LRRC8C: variants seen among roughly 807,000 people sequenced by gnomAD.
The protein encoded by LRRC8C is leucine rich repeat containing 8 VRAC subunit C.
Under a neutral mutation model 55.3 loss-of-function variants are expected in LRRC8C, and 20 were observed. The observed-to-expected ratio is 0.36, with a 90% CI of 0.25 to 0.53. The LOEUF is 0.53. LRRC8C is among the 20% of genes least tolerant of loss of function. The pLI, the probability that LRRC8C is intolerant of heterozygous loss-of-function variation, is 0.92. For synonymous variants in LRRC8C, 376 were observed against 360.7 expected (o/e 1.04, Z -0.48); for missense variants, 659 against 951.4 (o/e 0.69, Z 4.04).
At chr1:89,690,540 G>A (rs1294507641) in intron 2 of LRRC8C, among the ~76,000 whole-genome samples, 1 of 151,392 alleles carries the variant, frequency 6.6e-6, no homozygotes, top group Non-Finnish European at 1.5e-5. Context: ...CACATTCCAT[G>A]GCAGGATGAA....
intron 2 of LRRC8C, among the ~76,000 whole-genome samples, chr1:89,709,761 T>G (rs1353348048): frequency 4.2e-4 from 64 of 151,086 alleles, no homozygotes; most frequent in South Asian, 1.5e-3. Context: ...GTTTGTTTTT[T>G]TTTTGTTTGA....
At chr1:89,674,815 C>A (rs535105306) in intron 1 of LRRC8C, among the ~76,000 whole-genome samples, 1 of 152,254 alleles carries the variant, frequency 6.6e-6, no homozygotes, top group East Asian at 1.9e-4. Flanking sequence ...AAGGTAGATT[C>A]CTGTAAAGAT....
intron 2 of LRRC8C, among the ~76,000 whole-genome samples, chr1:89,701,862 T>A (rs1658337306): frequency 1.3e-5 from 2 of 152,202 alleles, no homozygotes. Context: ...TGAATGGGTC[T>A]GAATCAATTG....
At chr1:89,640,792 A>C (rs1656434006) in intron 1 of LRRC8C, among the ~76,000 whole-genome samples, 1 of 152,232 alleles carries the variant, frequency 6.6e-6, no homozygotes, top group Admixed American at 6.5e-5. Flanking sequence ...TGGATGGCAT[A>C]ATAGAAAACA....
Position 89,713,401 on chromosome 1 carries a change from T to A in LRRC8C, c.831T>A (p.Ile277=). Residue 277 remains isoleucine (I), a synonymous_variant, in exon 3 of 3, where the codon ATT becomes ATA. Coordinates refer to ENST00000370454, the MANE Select transcript of LRRC8C (RefSeq NM_032270.5). This position sits in a 1 kb window ranked among gnomAD's most constrained non-coding sequence, Gnocchi z 5.2. ...AAGTTATCAAATTCCTAATCATCATTGCATATAATAGTGCTCTGGTTTCCA... is the reference window on the plus strand; with the variant it reads ...AAGTTATCAAATTCCTAATCATCATAGCATATAATAGTGCTCTGGTTTCCA... ...VLKVIKFLII[I]AYNSALVSKV... is the part of the protein sequence containing the mutation. 1.2e-6 allele frequency: 2 copies of A among 1,614,224 alleles called. No individual in the cohort carries two copies. The highest frequency in any genetic ancestry group is 1.7e-6 in the Non-Finnish European group (2 of 1,180,028).
At chr1:89,684,843 A>G (rs1005687862) in intron 1 of LRRC8C, among the ~76,000 whole-genome samples, 2 of 152,222 alleles carry the variant, frequency 1.3e-5, no homozygotes, top group East Asian at 3.8e-4. Flanking sequence ...AACAGAAAAA[A>G]GTTAAGAAAA....
At chr1:89,628,860 C>T (rs1162780404), upstream of LRRC8C, among the ~76,000 whole-genome samples, 1 of 152,110 alleles carries the variant, frequency 6.6e-6, no homozygotes, top group Non-Finnish European at 1.5e-5. Context: ...TTTATATGAC[C>T]CACCTCAGGG....
At chr1:89,697,052 A>T (rs762039616) in intron 2 of LRRC8C, among the ~76,000 whole-genome samples, 1 of 152,214 alleles carries the variant, frequency 6.6e-6, no homozygotes, top group Non-Finnish European at 1.5e-5. Context: ...TAAATGACTA[A>T]CAAGTGCCAT....
At chr1:89,658,223 C>T (rs187644540) in intron 1 of LRRC8C, among the ~76,000 whole-genome samples, 14 of 152,042 alleles carry the variant, frequency 9.2e-5, no homozygotes, top group Admixed American at 2.0e-4. Context: ...TATTTCTGCC[C>T]GACCTCTTCC....
At chr1:89,683,761 A>G (rs1557660199) in intron 1 of LRRC8C, among the ~76,000 whole-genome samples, 2 of 152,230 alleles carry the variant, frequency 1.3e-5, no homozygotes, top group African/African-American at 2.4e-5. Context: ...AAAAATAAAT[A>G]TCTACAATGA....
Position 89,713,973 on chromosome 1 carries a change from A to G in LRRC8C, c.1403A>G (p.Asn468Ser), listed in dbSNP as rs12032393. 0.15 allele frequency: 236,559 copies of G among 1,613,052 alleles called. 18,839 individuals carry two copies. Among genetic ancestry groups the G allele is most frequent in the East Asian group, 0.27 (12,303 of 44,864 alleles). ...CCAGCCACCATTGCACAGCTAGACA[A>G]TCTTCAAGAGCTCTCTCTGCACCAG... The part of the protein sequence containing the change: ...MIPATIAQLD[N>S]LQELSLHQCS... The change falls in exon 3 of 3, where the codon AAT becomes AGT. Residue 468 changes from asparagine (N) to serine (S), a missense_variant. Physicochemically the swap from Asn to Ser is conservative, Grantham distance 46. This residue lies in a region of LRRC8C where 344 missense variants were observed against 464.6 expected (regional missense o/e 0.74). Transcript: ENST00000370454. This position sits in a 1 kb window ranked among gnomAD's most constrained non-coding sequence, Gnocchi z 5.2.
intron 2 of LRRC8C, among the ~76,000 whole-genome samples, chr1:89,707,177 C>T (rs1044703493): frequency 0.023 from 4 of 172 alleles, no homozygotes; most frequent in African/African-American, 0.038. Context: ...GAGGCCGAGG[C>T]GGGTGGATCA....
chr1:89,647,674 T>C (rs1656652807), intron 1 of LRRC8C, among the ~76,000 whole-genome samples: 1 of 152,198 alleles, frequency 6.6e-6, no homozygotes, highest in African/African-American at 2.4e-5. Flanking sequence ...AAAATAATTT[T>C]TCATTTTGAG....
chr1:89,654,895 A>T (rs1656897406), intron 1 of LRRC8C, among the ~76,000 whole-genome samples: 1 of 120,006 alleles, frequency 8.3e-6, no homozygotes, highest in East Asian at 2.4e-4. Context: ...TTTTTTTGAG[A>T]CAAGGTCTTG....
intron 1 of LRRC8C, among the ~76,000 whole-genome samples, chr1:89,663,184 G>A (rs974065287): frequency 1.3e-5 from 2 of 152,254 alleles, no homozygotes; most frequent in Admixed American, 6.5e-5. Flanking sequence ...AGTATTCCAT[G>A]GTGTATATGT....
rs139522936 is a variant in LRRC8C at position 89,694,450 on chromosome 1, G to A, written c.138+7839G>A. Among the ~76,000 whole-genome samples, 16 of 152,034 alleles carry A rather than the reference G, an allele frequency of 1.1e-4. No homozygotes were observed. The East Asian group carries it at 2.5e-3, about 24-fold the overall frequency. Reference sequence around the variant, plus strand: ...TTTCAGCTCTGCTTCATTTTGTTTCGTTTGTTTTGTTATTTTGGAGACGAG... The same window carrying A: ...TTTCAGCTCTGCTTCATTTTGTTTCATTTGTTTTGTTATTTTGGAGACGAG... On this transcript the variant is annotated intron_variant, in intron 2 of 2. Transcript: ENST00000370454.
At chr1:89,662,154 G>GAA (rs202128456) in intron 1 of LRRC8C, among the ~76,000 whole-genome samples, 1 of 151,986 alleles carries the variant, frequency 6.6e-6, no homozygotes, top group African/African-American at 2.4e-5. Context: ...TGAGCTAAAA[G>GAA]AAAAAAAATC....
chr1:89,713,170 A>G lies in LRRC8C; in HGVS notation c.600A>G (p.Gln200=), dbSNP rs377187977. ...ACATGAACAGGTCCAACACCATCCA[A>G]TCTGGTCCAGAAGACAGCCTGGTCA... ...KNNMNRSNTI[Q]SGPEDSLVNS... Residue 200 remains glutamine (Q), a synonymous_variant, in exon 3 of 3, where the codon CAA becomes CAG. Coordinates refer to ENST00000370454, the MANE Select transcript of LRRC8C (RefSeq NM_032270.5). The surrounding 1 kb of genome is among the most constrained non-coding windows in gnomAD (Gnocchi z 5.2). The G allele has an allele frequency of 2.8e-4, 453 of 1,614,002 alleles. 1 individual carries two copies. The highest frequency in any genetic ancestry group is 3.5e-4 in the Non-Finnish European group (415 of 1,180,024).
At chr1:89,657,169 C>T (rs1656967460) in intron 1 of LRRC8C, among the ~76,000 whole-genome samples, 1 of 152,012 alleles carries the variant, frequency 6.6e-6, no homozygotes. Flanking sequence ...ATGCAGATGT[C>T]CAATGAGGTA....
Sources: gnomAD v4.1 joint callset for allele counts (sites outside exome capture counted in the v4.1 genomes callset) on GRCh38, gnomAD v4.1.1 for gene constraint, gnomAD v4.1.1 regional missense constraint, Gnocchi (gnomAD v3.1) non-coding constraint, MANE v1.5 for transcripts, NCBI Gene and HGNC (gene_info 2026-07-23, HGNC 2026-07-21) for gene names.